The following HMGN5 variants were observed in gnomAD, a reference collection of about 807,000 sequenced individuals.
HMGN5 encodes the protein high mobility group nucleosome binding domain 5.
Under a neutral mutation model 9.5 loss-of-function variants are expected in HMGN5, and 4 were observed. The ratio of observed to expected loss-of-function variants is 0.42; its 90% CI spans 0.21 to 0.96. The LOEUF is 0.96. Among genes scored for constraint, HMGN5 ranks in the 40% least tolerant of loss-of-function variants. The pLI is 0.30. For synonymous variants in HMGN5, 55 were observed against 57.1 expected (o/e 0.96, Z 0.16); for missense variants, 192 against 187.5 (o/e 1.02, Z -0.14).
At chrX:81,196,634 CCT>C (rs750536418) in intron 1 of HMGN5, among the ~76,000 whole-genome samples, 8 of 109,880 alleles carry the variant, frequency 7.3e-5, no homozygotes, top group Non-Finnish European at 1.3e-4. Context: ...CTCACTGCAA[CCT>C]CTCCCTGCAA....
chrX:81,140,658 T>C (rs2075326514), intron 1 of HMGN5, among the ~76,000 whole-genome samples: 1 of 109,483 alleles, frequency 9.1e-6, no homozygotes, highest in Non-Finnish European at 1.9e-5. Context: ...CAGTAACGAT[T>C]ACCTGGTACT....
At chrX:81,172,148 T>A (rs1331288381) in intron 1 of HMGN5, among the ~76,000 whole-genome samples, 7 of 110,794 alleles carry the variant, frequency 6.3e-5, no homozygotes, top group African/African-American at 2.0e-4. Context: ...ACTCTTTTGG[T>A]TTTTCCCTCT....
At chrX:81,153,585 ATATAT>A (rs2075373554) in intron 1 of HMGN5, among the ~76,000 whole-genome samples, 2 of 3,320 alleles carry the variant, frequency 6.0e-4, no homozygotes, top group African/African-American at 2.1e-3. Flanking sequence ...CTCTCTCTCT[ATATAT>A]ATATATATAT....
chrX:81,183,203 G>C (rs1262834700), intron 1 of HMGN5, among the ~76,000 whole-genome samples: 1 of 111,899 alleles, frequency 8.9e-6, no homozygotes, highest in Non-Finnish European at 1.9e-5. Flanking sequence ...AAAAAGAAAA[G>C]GCCATTTTCA....
chrX:81,161,879 A>G (rs1410366131), intron 1 of HMGN5, among the ~76,000 whole-genome samples: 1 of 109,597 alleles, frequency 9.1e-6, no homozygotes, highest in Non-Finnish European at 1.9e-5. Context: ...GAAATATACG[A>G]GCTAAAGGTT....
intron 1 of HMGN5, among the ~76,000 whole-genome samples, chrX:81,190,877 G>A (rs1449262598): frequency 9.0e-6 from 1 of 111,208 alleles, no homozygotes; most frequent in Non-Finnish European, 1.9e-5. Context: ...TCAGTTGACT[G>A]TATTAATGTA....
At position 81,137,013 on chromosome X, in the gene HMGN5, T is replaced by C. The variant is rs767434697; in HGVS notation, c.-123-15341A>G. ...AAGACATAATGATCCTAAATGTGCA[T>C]GGATTAAACAATAGTGCCCCAAAAC... On this transcript the variant is annotated intron_variant, in intron 1 of 6. Transcript: ENST00000358130. Among the ~76,000 whole-genome samples the C allele has an allele frequency of 4.5e-5, 5 of 111,636 alleles. No individual in the cohort carries two copies. In the East Asian group the frequency reaches 1.4e-3, roughly 31 times the overall value.
chrX:81,184,967 T>C (rs1025563455), intron 1 of HMGN5, among the ~76,000 whole-genome samples: 8 of 111,971 alleles, frequency 7.1e-5, no homozygotes, highest in African/African-American at 2.6e-4. Flanking sequence ...GTTTCTCTAT[T>C]CTGCTCCATT....
chrX:81,181,612 G>A (rs949119535), intron 1 of HMGN5, among the ~76,000 whole-genome samples: 5 of 111,700 alleles, frequency 4.5e-5, no homozygotes, highest in African/African-American at 1.6e-4. Context: ...ACCCTTCCCA[G>A]CATCTGGTAA....
chrX:81,151,562 G>C (rs1220353497), intron 1 of HMGN5, among the ~76,000 whole-genome samples: 1 of 110,621 alleles, frequency 9.0e-6, no homozygotes, highest in African/African-American at 3.3e-5. Flanking sequence ...TCACGATATT[G>C]ATTCTTCCTA....
At chrX:81,200,274 A>T (rs2075521968) in intron 1 of HMGN5, among the ~76,000 whole-genome samples, 1 of 112,242 alleles carries the variant, frequency 8.9e-6, no homozygotes, top group African/African-American at 3.2e-5. Context: ...AGTGTAAATT[A>T]GTTCAACCAT....
At chrX:81,187,620 C>T (rs2075481240) in intron 1 of HMGN5, among the ~76,000 whole-genome samples, 1 of 111,507 alleles carries the variant, frequency 9.0e-6, no homozygotes, top group South Asian at 3.7e-4. Flanking sequence ...TTCTTGCAGG[C>T]AACAGATAAT....
At chrX:81,196,528 G>GTT (rs58161179) in intron 1 of HMGN5, among the ~76,000 whole-genome samples, 2 of 105,222 alleles carry the variant, frequency 1.9e-5, no homozygotes, top group African/African-American at 3.4e-5. Context: ...GATCTCATGG[G>GTT]TTTTTTTTGT....
Position 81,181,008 on chromosome X carries a change from T to C in HMGN5, c.-124+20729A>G, listed in dbSNP as rs142001290. On this transcript the variant is annotated intron_variant, in intron 1 of 6. Transcript: ENST00000358130. ...GGTGGGAATTGACCACTGTGATCAG[T>C]TGGACACAGGGCGGGGAACATCACA... Among the ~76,000 whole-genome samples, 305 of 110,634 alleles carry C rather than the reference T, an allele frequency of 2.8e-3. 3 individuals carry two copies. The highest frequency in any genetic ancestry group is 9.7e-3 in the African/African-American group (295 of 30,423).
rs1199715466 is a variant in HMGN5, at chrX:81,184,314, C to A, written c.-124+17423G>T. On this transcript the variant is annotated intron_variant, in intron 1 of 6. Coordinates refer to ENST00000358130, the MANE Select transcript of HMGN5 (RefSeq NM_030763.3). Reference sequence around the variant, plus strand: ...TTGCTCCTGCTCTGGCCAAGTAAGACATGCTTGCTTCCCTTTTGCCTTTCT... The same window carrying A: ...TTGCTCCTGCTCTGGCCAAGTAAGAAATGCTTGCTTCCCTTTTGCCTTTCT... Among the ~76,000 whole-genome samples, 4 of 111,667 alleles carry A rather than the reference C, an allele frequency of 3.6e-5. No individual in the cohort carries two copies. In the Admixed American group the frequency reaches 3.8e-4, roughly 11 times the overall value.
At chrX:81,138,770 A>G (rs1056547601) in intron 1 of HMGN5, among the ~76,000 whole-genome samples, 5 of 112,045 alleles carry the variant, frequency 4.5e-5, no homozygotes, top group African/African-American at 1.6e-4. Flanking sequence ...TAGAACTAAT[A>G]AGTGTGTTCA....
At chrX:81,151,922 TA>T (rs949353327) in intron 1 of HMGN5, among the ~76,000 whole-genome samples, 1 of 111,804 alleles carries the variant, frequency 8.9e-6, no homozygotes, top group Non-Finnish European at 1.9e-5. Context: ...CCTCTTTTCC[TA>T]ATTTAATACC....
At chrX:81,200,824 T>G (rs1655085934) in intron 1 of HMGN5, among the ~76,000 whole-genome samples, 1 of 111,391 alleles carries the variant, frequency 9.0e-6, no homozygotes, top group Admixed American at 9.5e-5. Context: ...ACCTGCACGT[T>G]GTGCACATGT....
At chrX:81,115,782 T>C (rs1388999489) in intron 6 of HMGN5, among the ~76,000 whole-genome samples, 2 of 112,202 alleles carry the variant, frequency 1.8e-5, no homozygotes, top group African/African-American at 6.5e-5. Context: ...CCTAAAAATG[T>C]TGTATGCATT....
Sources: gnomAD v4.1 joint callset for allele counts (sites outside exome capture counted in the v4.1 genomes callset) on GRCh38, gnomAD v4.1.1 for gene constraint, MANE v1.5 for transcripts, NCBI Gene and HGNC (gene_info 2026-07-23, HGNC 2026-07-21) for gene names.